The following MNS1 variants were observed in gnomAD, a reference collection of about 807,000 sequenced individuals.
The protein encoded by MNS1 is meiosis specific nuclear structural 1.
A neutral mutation model predicts 72.0 loss-of-function variants in MNS1; 63 were observed. The observed-to-expected ratio is 0.87, with a 90% CI of 0.71 to 1.08. The LOEUF is 1.08. Ranked by LOEUF, MNS1 falls within the 50% of genes least tolerant of loss-of-function variation. The pLI is 0.00. For synonymous variants in MNS1, 188 were observed against 172.1 expected, an observed-to-expected ratio of 1.09 and a Z score of -0.72; for missense variants, 604 against 562.4, an observed-to-expected ratio of 1.07 and a Z score of -0.75.
intron 9 of MNS1, among the ~76,000 whole-genome samples, chr15:56,430,995 T>TA: frequency 6.6e-6 from 1 of 152,172 alleles, no homozygotes; most frequent in East Asian, 1.9e-4. Context: ...ATCCTGTCCT[T>TA]ACCAAAAATA....
chr15:56,454,874 C>A (rs1157682568), intron 3 of MNS1, among the ~76,000 whole-genome samples: 1 of 152,140 alleles, frequency 6.6e-6, no homozygotes, highest in African/African-American at 2.4e-5. Context: ...ATCCCTTAAT[C>A]TGTGTCTAAT....
At chr15:56,451,388 T>C (rs1258592431) in intron 3 of MNS1, among the ~76,000 whole-genome samples, 4 of 152,214 alleles carry the variant, frequency 2.6e-5, no homozygotes, top group Admixed American at 6.5e-5. Flanking sequence ...CTACCATTTT[T>C]AGGCTTTTTC....
chr15:56,462,492 A>C (rs1331771279), intron 2 of MNS1, among the ~76,000 whole-genome samples: 2 of 152,206 alleles, frequency 1.3e-5, no homozygotes, highest in Non-Finnish European at 2.9e-5. Flanking sequence ...GCTAGGTTCT[A>C]TTTAGAGGAA....
chr15:56,456,369 A>G (rs1185491513), intron 3 of MNS1, 25 bp downstream of exon 3: 9 of 1,586,398 alleles, frequency 5.7e-6, no homozygotes, highest in South Asian at 2.4e-5. Context: ...GACTAAATAA[A>G]TGAAATTTAG....
chr15:56,457,362 A>T (rs557189100), intron 2 of MNS1, among the ~76,000 whole-genome samples: 13 of 152,214 alleles, frequency 8.5e-5, no homozygotes, highest in Non-Finnish European at 1.6e-4. Flanking sequence ...CCATCAGGAA[A>T]TGCAAATTAG....
chr15:56,447,052 C>T lies in MNS1; in HGVS notation c.354-109G>A, dbSNP rs191670528. The T allele has an allele frequency of 1.4e-3, 1,011 of 713,408 alleles. 3 individuals are homozygous for T. The highest frequency in any genetic ancestry group is 2.0e-3 in the Non-Finnish European group (877 of 432,936). 44.2% of individuals were successfully genotyped at this position (713,408 alleles called of 1,614,324 possible). A position where few individuals can be genotyped will look rare whatever the true frequency, so the allele number is the denominator to read the frequency against. ...TAATTTACTCAAAGAGGGAATACAG[C>T]GGGTATTATTTTAGATCCATAGGAG... On this transcript the variant is annotated intron_variant, in intron 3 of 9. Transcript: ENST00000260453.
chr15:56,461,993 T>G (rs796680838), intron 2 of MNS1, among the ~76,000 whole-genome samples: 1,417 of 138,904 alleles, frequency 0.01, 18 homozygotes, highest in Non-Finnish European at 0.015. Flanking sequence ...TTTTTTTTTT[T>G]TTTTTTTTTT....
intron 9 of MNS1, 46 bp from the exon 10 acceptor site, chr15:56,429,239 T>C (rs2050484481): frequency 8.0e-7 from 1 of 1,243,360 alleles, no homozygotes; most frequent in East Asian, 2.4e-5. Context: ...ACCAGAATAT[T>C]TCACTAAATG....
chr15:56,428,922 C>T lies in MNS1; in HGVS notation c.*179G>A. The T allele has an allele frequency of 1.9e-6, 1 of 534,390 alleles. No individual in the cohort carries two copies. Among genetic ancestry groups the T allele is most frequent in the Non-Finnish European group, 3.3e-6 (1 of 307,362 alleles). 33.1% of individuals were successfully genotyped at this position (534,390 alleles called of 1,614,324 possible). A position where few individuals can be genotyped will look rare whatever the true frequency, so the allele number is the denominator to read the frequency against. ...TTTGAAATTATCAGTACAAAAATAACAGCTTGATTAAAATTAATTTGTATC... is the reference window on the plus strand; with the variant it reads ...TTTGAAATTATCAGTACAAAAATAATAGCTTGATTAAAATTAATTTGTATC... On this transcript the variant is annotated 3_prime_UTR_variant, in exon 10 of 10. Coordinates refer to ENST00000260453, the MANE Select transcript of MNS1 (RefSeq NM_018365.4).
rs2051050572 is a variant in MNS1, at chr15:56,465,051, A to G, written c.-79T>C. ...CGCAAACGCAGCAGCCAGCAGCCCCAAGGAGCGCACCTGGCTGCGCGCGCT... is the reference window on the plus strand; with the variant it reads ...CGCAAACGCAGCAGCCAGCAGCCCCGAGGAGCGCACCTGGCTGCGCGCGCT... On this transcript the variant is annotated 5_prime_UTR_variant, in exon 1 of 10. Coordinates refer to ENST00000260453, the MANE Select transcript of MNS1 (RefSeq NM_018365.4). 4 of 1,575,488 alleles carry G rather than the reference A, an allele frequency of 2.5e-6. No homozygotes were observed. Among genetic ancestry groups the G allele is most frequent in the Non-Finnish European group, 3.4e-6 (4 of 1,162,698 alleles).
chr15:56,443,440 C>G lies in MNS1; in HGVS notation c.1001G>C (p.Ser334Thr), dbSNP rs758215067. Residue 334 changes from serine to threonine, a missense_variant, in exon 7 of 10, where the codon AGC becomes ACC. Physicochemically the swap from Ser to Thr is moderately conservative, Grantham distance 58. Coordinates refer to ENST00000260453, the MANE Select transcript of MNS1 (RefSeq NM_018365.4). ...ATTTCTGAAACTTACTTTTAGCTTG[C>G]TCTTATATATTTCAGCTTGTTCTTC... ...YQEEQAEIYK[S>T]KLKEEAEKKL... 6.3e-6 allele frequency: 10 copies of G among 1,575,866 alleles called. No individual in the cohort carries two copies. The highest frequency in any genetic ancestry group is 8.6e-6 in the Non-Finnish European group (10 of 1,168,172).
chr15:56,446,948 T>A lies in MNS1; in HGVS notation c.354-5A>T. 2.5e-6 allele frequency: 4 copies of A among 1,597,146 alleles called. No homozygotes were observed. Among genetic ancestry groups the A allele is most frequent in the Non-Finnish European group, 3.4e-6 (4 of 1,171,652 alleles). On this transcript the variant is annotated splice_polypyrimidine_tract_variant and splice_region_variant and intron_variant, in intron 3 of 9. Transcript: ENST00000260453. ...TCCAATTCTCTAAGCTCAATGCTGTTTAAAAAAACAAAAACAAATTTAAAT... is the reference window on the plus strand; with the variant it reads ...TCCAATTCTCTAAGCTCAATGCTGTATAAAAAAACAAAAACAAATTTAAAT...
In MNS1 at chr15:56,464,221, A is replaced by G; in HGVS notation, c.30T>C (p.Cys10=). Residue 10 remains cysteine, a synonymous_variant, in exon 2 of 10, where the codon TGT becomes TGC. Transcript: ENST00000260453. MGSKRRNLS[C]SERHQKLVDE... ...CTACTAATTTCTGATGCCTTTCACT[A>G]CAGCTCAAATTTCTCCTTTTGGAAC... 1.9e-6 allele frequency: 3 copies of G among 1,611,720 alleles called. No individual in the cohort carries two copies. Among genetic ancestry groups the G allele is most frequent in the Non-Finnish European group, 2.5e-6 (3 of 1,179,370 alleles).
rs185262674 is a variant in MNS1, at chr15:56,450,453, C to G, written c.354-3510G>C. Among the ~76,000 whole-genome samples, 14 of 152,228 alleles carry G rather than the reference C, an allele frequency of 9.2e-5. No individual in the cohort carries two copies. In the South Asian group the frequency reaches 2.7e-3, roughly 29 times the overall value. On this transcript the variant is annotated intron_variant, in intron 3 of 9. Transcript: ENST00000260453. ...CTCCCTAACCCCTGGAATTCCTAAT[C>G]TGCATTTTGTCTATTTGCCTATTCT...
intron 8 of MNS1, among the ~76,000 whole-genome samples, chr15:56,433,353 AC>A: frequency 1.3e-5 from 2 of 152,094 alleles, no homozygotes; most frequent in Middle Eastern, 3.4e-3. Context: ...GGTGCAGCAA[AC>A]CACCATGGCA....
intron 3 of MNS1, among the ~76,000 whole-genome samples, chr15:56,453,383 G>T (rs1391907562): frequency 6.6e-5 from 10 of 151,844 alleles, no homozygotes; most frequent in Admixed American, 6.6e-4. Flanking sequence ...TTCTGTTTTT[G>T]TTTCTCAGAA....
Position 56,434,181 on chromosome 15 carries a change from T to C in MNS1, c.1226A>G (p.Glu409Gly), listed in dbSNP as rs2050675460. The change falls in exon 8 of 10, where the codon GAA becomes GGA. Residue 409 changes from glutamate (E) to glycine (G), a missense_variant. By Grantham distance (98) the Glu-to-Gly change is moderately conservative (BLOSUM62 -2). Transcript: ENST00000260453. ...MKQLEHRRAV[E>G]KLIEERRQQF... ...TTGGCGACGCTCTTCAATAAGTTTT[T>C]CCACAGCCCTCCTGTGTTCCAGCTG... The C allele has an allele frequency of 6.2e-7, 1 of 1,613,720 alleles. No individual in the cohort carries two copies. Among genetic ancestry groups the C allele is most frequent in the Non-Finnish European group, 8.5e-7 (1 of 1,179,852 alleles).
chr15:56,452,196 T>C (rs536884511), intron 3 of MNS1, among the ~76,000 whole-genome samples: 2 of 152,274 alleles, frequency 1.3e-5, no homozygotes, highest in African/African-American at 2.4e-5. Flanking sequence ...CATATAGTTA[T>C]ACTCACGGCT....
chr15:56,443,588 A>G (rs1287234681), intron 6 of MNS1, 50 bp downstream of exon 6: 1 of 1,586,974 alleles, frequency 6.3e-7, no homozygotes, highest in South Asian at 1.2e-5. Context: ...AAATTCTGTA[A>G]CTAATATTTC....
Sources: gnomAD v4.1 joint callset for allele counts (sites outside exome capture counted in the v4.1 genomes callset) on GRCh38, gnomAD v4.1.1 for gene constraint, MANE v1.5 for transcripts, NCBI Gene and HGNC (gene_info 2026-07-23, HGNC 2026-07-21) for gene names.